Variants in CD38 observed in about 807,000 individuals in gnomAD.
The protein encoded by CD38 is ADP-ribosyl cyclase/cyclic ADP-ribose hydrolase 1.
A neutral mutation model predicts 36.3 loss-of-function variants in CD38; 31 were observed. The ratio of observed to expected loss-of-function variants is 0.85; its 90% CI spans 0.64 to 1.15. The LOEUF is 1.15. Among genes scored for constraint, CD38 ranks in the 50% most tolerant of loss-of-function variants. The pLI, the probability that CD38 is intolerant of heterozygous loss-of-function variation, is 0.00. For missense variants in CD38, 380 were observed against 371.9 expected (o/e 1.02, Z -0.18); for synonymous variants, 131 against 135.2 (o/e 0.97, Z 0.22).
In CD38 at chr4:15,853,055, G is replaced by C. The variant is rs1724432671; in HGVS notation, c.*4453G>C. On this transcript the variant is annotated 3_prime_UTR_variant, in exon 8 of 8. Transcript: ENST00000226279. The stretch of plus-strand genomic sequence containing the variant: ...CATTTATTCTTGAACTTGATTCAGA[G>C]AGGCACACATTACCATTCTCTAATC... 1 of 152,068 alleles carries C rather than the reference G, an allele frequency of 6.6e-6. No individual in the cohort carries two copies. Among genetic ancestry groups the C allele is most frequent in the Non-Finnish European group, 1.5e-5 (1 of 68,030 alleles). The allele number at this position is 152,068 out of a possible 1,614,324, so 9.4% of individuals were successfully genotyped here.
Position 15,834,305 on chromosome 4 carries a change from A to G in CD38, c.585+3A>G, listed in dbSNP as rs553989558. The G allele has an allele frequency of 3.1e-6, 5 of 1,587,930 alleles. No homozygotes were observed. The South Asian group carries it at 4.4e-5, about 14-fold the overall frequency. ...TCTGGAAAACGGTTTCCCGCAGGGT[A>G]AGTACCAAGTAGTGAAATTCTAGAG... On this transcript the variant is annotated splice_donor_region_variant and intron_variant, in intron 4 of 7. Transcript: ENST00000226279.
intron 1 of CD38, among the ~76,000 whole-genome samples, chr4:15,786,848 C>T (rs6853339): frequency 0.43 from 64,941 of 151,894 alleles, 15,964 homozygotes; most frequent in African/African-American, 0.69. Context: ...GAGGCTCAGG[C>T]ATGGTGGGCT....
chr4:15,787,080 G>A (rs1367819136), intron 1 of CD38, among the ~76,000 whole-genome samples: 4 of 152,108 alleles, frequency 2.6e-5, no homozygotes, highest in African/African-American at 9.7e-5. Context: ...GCCCACGAGC[G>A]CCTCTCTCTC....
chr4:15,825,909 G>T (rs999678497), intron 3 of CD38: 2 of 151,846 alleles, frequency 1.3e-5, no homozygotes, highest in African/African-American at 4.8e-5. Flanking sequence ...CCTCACCAGG[G>T]GAAGGGATTT....
chr4:15,800,795 C>T (rs1336802000), intron 1 of CD38, among the ~76,000 whole-genome samples: 1 of 151,856 alleles, frequency 6.6e-6, no homozygotes, highest in East Asian at 1.9e-4. Context: ...ACAGTAAAAG[C>T]AGTACTAGGA....
At chr4:15,790,154 T>TCTCCCTCCCCCTCCCC (rs1722932100) in intron 1 of CD38, among the ~76,000 whole-genome samples, 1 of 10,800 alleles carries the variant, frequency 9.3e-5, no homozygotes, top group Non-Finnish European at 1.4e-4. Context: ...TCCCTCTCCC[T>TCTCCCTCCCCCTCCCC]CTCCCCCTCT....
intron 5 of CD38, among the ~76,000 whole-genome samples, chr4:15,838,576 A>G (rs1371469982): frequency 6.6e-6 from 1 of 151,630 alleles, no homozygotes; most frequent in African/African-American, 2.4e-5. Flanking sequence ...ACCTGCCTTG[A>G]CCCTCCTCTC....
chr4:15,822,038 G>A (rs759265827), intron 2 of CD38, among the ~76,000 whole-genome samples: 26 of 152,148 alleles, frequency 1.7e-4, no homozygotes, highest in Middle Eastern at 3.4e-3. Context: ...CAGGTTCAAC[G>A]TACATGAATC....
chr4:15,789,358 G>A (rs1226458020), intron 1 of CD38, among the ~76,000 whole-genome samples: 3 of 152,168 alleles, frequency 2.0e-5, no homozygotes, highest in Non-Finnish European at 1.5e-5. Context: ...AAAGAGTGCT[G>A]TGTAGTGTTT....
chr4:15,832,748 A>T (rs1723985231), intron 3 of CD38, among the ~76,000 whole-genome samples: 1 of 152,152 alleles, frequency 6.6e-6, no homozygotes, highest in Non-Finnish European at 1.5e-5. Flanking sequence ...ATATTTGCTC[A>T]AGGCTCTGGG....
chr4:15,821,214 C>G (rs1409279342), intron 2 of CD38, among the ~76,000 whole-genome samples: 1 of 152,066 alleles, frequency 6.6e-6, no homozygotes, highest in African/African-American at 2.4e-5. Flanking sequence ...ATTTATAGCA[C>G]TAAATGCCCA....
At chr4:15,786,238 G>C (rs892335495) in intron 1 of CD38, among the ~76,000 whole-genome samples, 22 of 152,320 alleles carry the variant, frequency 1.4e-4, no homozygotes, top group African/African-American at 2.4e-5. Flanking sequence ...CCCCCAGCCT[G>C]CTTTTATTCC....
intron 5 of CD38, 66 bp from the exon 6 acceptor site, chr4:15,839,960 T>G: frequency 1.9e-6 from 2 of 1,043,362 alleles, no homozygotes; most frequent in Non-Finnish European, 3.0e-6. Context: ...CTGCTGGTTG[T>G]TGAGGGGGGT....
chr4:15,791,625 T>C (rs1473875649), intron 1 of CD38, among the ~76,000 whole-genome samples: 1 of 55,994 alleles, frequency 1.8e-5, no homozygotes, highest in African/African-American at 1.2e-4. Flanking sequence ...GGGAGGGAGG[T>C]GGGGGGGTCA....
At chr4:15,806,624 C>G (rs1723346932) in intron 1 of CD38, among the ~76,000 whole-genome samples, 1 of 152,076 alleles carries the variant, frequency 6.6e-6, no homozygotes, top group African/African-American at 2.4e-5. Flanking sequence ...GTCAATCCAC[C>G]TTGGGTAGGT....
chr4:15,824,979 T>C lies in CD38; in HGVS notation c.462T>C (p.Ala154=), dbSNP rs1370988498. The part of the protein sequence containing the change: ...TLEDTLLGYL[A]DDLTWCGEFN... ...AGGACACGCTGCTAGGCTACCTTGCTGATGACCTCACATGGTGTGGTGAAT... is the reference window on the plus strand; with the variant it reads ...AGGACACGCTGCTAGGCTACCTTGCCGATGACCTCACATGGTGTGGTGAAT... Residue 154 remains alanine, a synonymous_variant, in exon 3 of 8, where the codon GCT becomes GCC. Transcript: ENST00000226279. 6.2e-7 allele frequency: 1 copy of C among 1,613,814 alleles called. No individual in the cohort carries two copies. Among genetic ancestry groups the C allele is most frequent in the Middle Eastern group, 1.7e-4 (1 of 6,056 alleles).
chr4:15,847,582 C>A (rs1321771618), intron 7 of CD38, among the ~76,000 whole-genome samples: 2 of 73,770 alleles, frequency 2.7e-5, no homozygotes, highest in East Asian at 4.9e-4. Context: ...AAATAAAAAA[C>A]AACTCTCAGA....
rs775024471 is a variant in CD38, at chr4:15,840,125, CT to C, written c.752+9del. On this transcript the variant is annotated splice_region_variant and intron_variant, in intron 6 of 7. Coordinates refer to ENST00000226279, the MANE Select transcript of CD38 (RefSeq NM_001775.4). ...GTGGAAGAGAAGATTCCAGGTATAT[CT>C]TACTACTTTGTACCCAAGTGTTATT... 2 of 1,572,510 alleles carry C rather than the reference CT, an allele frequency of 1.3e-6. No homozygotes were observed. The highest frequency in any genetic ancestry group is 1.8e-6 in the Non-Finnish European group (2 of 1,142,104).
chr4:15,818,043 C>T (rs1723640161), intron 2 of CD38, among the ~76,000 whole-genome samples: 1 of 151,984 alleles, frequency 6.6e-6, no homozygotes. Flanking sequence ...AGCCAGGGAG[C>T]CAAGTGGTCT....
Sources: allele counts gnomAD v4.1 joint callset (sites outside exome capture counted in the v4.1 genomes callset), GRCh38; gene constraint gnomAD v4.1.1; transcripts MANE v1.5; gene names NCBI Gene and HGNC (gene_info 2026-07-23, HGNC 2026-07-21).